GRID2: variants seen among roughly 807,000 people sequenced by gnomAD.
GRID2 encodes the protein glutamate receptor ionotropic, delta-2.
A neutral mutation model predicts 114.8 loss-of-function variants in GRID2; 33 were observed. The ratio of observed to expected loss-of-function variants is 0.29; its 90% CI spans 0.22 to 0.38. The LOEUF (loss-of-function observed/expected upper bound fraction) is 0.38. GRID2 is among the 10% of genes least tolerant of loss of function. GRID2 has a pLI of 1.00. For missense variants in GRID2, 1,184 were observed against 1,257.7 expected (o/e 0.94, Z 0.89); for synonymous variants, 505 against 449.9 (o/e 1.12, Z -1.55).
In GRID2 at chr4:93,515,329, T is replaced by C; in HGVS notation, c.2111T>C (p.Met704Thr). ...KGLNPFERDS[M>T]YSQMWRMINR... ...CTGAATCCTTTTGAGAGGGACAGCA[T>C]GTATTCCCAAATGTGGCGGATGATC... is the stretch of plus-strand genomic sequence containing the variant. The change falls in exon 13 of 16, where the codon ATG (methionine) becomes ACG (threonine). Residue 704 changes from methionine (M) to threonine (T), a missense_variant. By Grantham distance (81) the Met-to-Thr change is moderately conservative. Coordinates refer to ENST00000282020, the MANE Select transcript of GRID2 (RefSeq NM_001510.4). The C allele has an allele frequency of 6.2e-7, 1 of 1,612,282 alleles. No individual in the cohort carries two copies. Among genetic ancestry groups the C allele is most frequent in the Non-Finnish European group, 8.5e-7 (1 of 1,178,526 alleles).
chr4:92,765,886 C>T (rs555838922), intron 2 of GRID2, among the ~76,000 whole-genome samples: 1 of 152,270 alleles, frequency 6.6e-6, no homozygotes, highest in South Asian at 2.1e-4. Flanking sequence ...TTGGCCCTCT[C>T]TGTTTGACCT....
chr4:92,381,254 C>T (rs1169472089), intron 1 of GRID2, among the ~76,000 whole-genome samples: 1 of 151,950 alleles, frequency 6.6e-6, no homozygotes, highest in Non-Finnish European at 1.5e-5. Flanking sequence ...GTGACTGAAC[C>T]AAAATCTGAA....
At chr4:93,445,041 C>T (rs1306180235) in intron 10 of GRID2, among the ~76,000 whole-genome samples, 1 of 151,990 alleles carries the variant, frequency 6.6e-6, no homozygotes, top group Non-Finnish European at 1.5e-5. Flanking sequence ...CTAGTGTGGT[C>T]ATGTGACTAA....
chr4:92,703,987 G>A (rs1052270921), intron 2 of GRID2, among the ~76,000 whole-genome samples: 8 of 152,074 alleles, frequency 5.3e-5, no homozygotes, highest in Admixed American at 2.0e-4. Flanking sequence ...TTAAAAATAA[G>A]AGAATTGGCC....
chr4:93,284,048 G>GTTTGATT (rs1432578235), intron 8 of GRID2, among the ~76,000 whole-genome samples: 3 of 151,886 alleles, frequency 2.0e-5, no homozygotes, highest in Non-Finnish European at 2.9e-5. Flanking sequence ...TTCACATCTA[G>GTTTGATT]TTTGATTTTC....
At chr4:93,049,173 CTT>C (rs1390922727) in intron 2 of GRID2, among the ~76,000 whole-genome samples, 1 of 151,924 alleles carries the variant, frequency 6.6e-6, no homozygotes, top group African/African-American at 2.4e-5. Context: ...ATTCTGCACT[CTT>C]TTATTATAGC....
At chr4:92,637,618 T>A (rs577335501) in intron 2 of GRID2, among the ~76,000 whole-genome samples, 3 of 152,020 alleles carry the variant, frequency 2.0e-5, no homozygotes, top group African/African-American at 7.2e-5. Context: ...GATTATGGAT[T>A]AGTGACTGAA....
intron 8 of GRID2, among the ~76,000 whole-genome samples, chr4:93,386,359 A>G (rs1008534205): frequency 6.6e-6 from 1 of 152,168 alleles, no homozygotes; most frequent in Non-Finnish European, 1.5e-5. Flanking sequence ...TTATAGCAAA[A>G]AAAGATTAAA....
intron 13 of GRID2, among the ~76,000 whole-genome samples, chr4:93,524,797 ATATATATATATATATATGTATGTATG>A (rs1370791863): frequency 0.071 from 5,913 of 83,122 alleles, 131 homozygotes; most frequent in Middle Eastern, 0.086. Context: ...ATATATATAT[ATATATATATATATATATGTATGTATG>A]TATATATATA....
At chr4:93,332,265 T>C (rs34498423) in intron 8 of GRID2, among the ~76,000 whole-genome samples, 1,011 of 78,682 alleles carry the variant, frequency 0.013, 6 homozygotes, top group African/African-American at 0.03. Flanking sequence ...TGTGTGTGTG[T>C]GCGTGTGTGT....
At chr4:92,951,610 G>A (rs1752046315) in intron 2 of GRID2, among the ~76,000 whole-genome samples, 1 of 151,938 alleles carries the variant, frequency 6.6e-6, no homozygotes, top group South Asian at 2.1e-4. Flanking sequence ...CTAAAGTTAT[G>A]GGCCACTGTG....
intron 1 of GRID2, among the ~76,000 whole-genome samples, chr4:92,410,036 A>C (rs539418015): frequency 1.3e-5 from 2 of 152,346 alleles, no homozygotes; most frequent in African/African-American, 4.8e-5. Context: ...ATAAGAAAAT[A>C]TAAATGCTAT....
At chr4:92,448,467 C>T (rs1055699064) in intron 1 of GRID2, among the ~76,000 whole-genome samples, 2 of 151,844 alleles carry the variant, frequency 1.3e-5, no homozygotes, top group Non-Finnish European at 2.9e-5. Flanking sequence ...ATACCCAGCC[C>T]GAGTAGTATT....
intron 1 of GRID2, among the ~76,000 whole-genome samples, chr4:92,362,680 C>T (rs997912091): frequency 1.3e-5 from 2 of 151,868 alleles, no homozygotes; most frequent in Non-Finnish European, 2.9e-5. Flanking sequence ...GAAATATTTT[C>T]AGAAGTTAAA....
At chr4:93,527,316 C>G (rs563845285) in intron 13 of GRID2, among the ~76,000 whole-genome samples, 2 of 152,188 alleles carry the variant, frequency 1.3e-5, no homozygotes, top group East Asian at 3.9e-4. Flanking sequence ...ATCAATATGT[C>G]TTGCAAAATC....
chr4:92,713,511 A>C (rs1735378118), intron 2 of GRID2, among the ~76,000 whole-genome samples: 1 of 125,776 alleles, frequency 8.0e-6, no homozygotes, highest in African/African-American at 3.0e-5. Flanking sequence ...ATATATATAT[A>C]TATATATTAC....
chr4:93,516,074 C>T (rs1729698230), intron 13 of GRID2, among the ~76,000 whole-genome samples: 2 of 152,112 alleles, frequency 1.3e-5, no homozygotes, highest in African/African-American at 4.8e-5. Flanking sequence ...AGAGATCTGA[C>T]TGTTTTTTCT....
chr4:92,329,569 T>G (rs373218850), intron 1 of GRID2, among the ~76,000 whole-genome samples: 3 of 152,070 alleles, frequency 2.0e-5, no homozygotes, highest in East Asian at 3.9e-4. Flanking sequence ...ATAGAGTTGT[T>G]AGGAGGCCCA....
intron 1 of GRID2, among the ~76,000 whole-genome samples, chr4:92,583,714 AAC>A (rs916720962): frequency 7.3e-6 from 1 of 136,526 alleles, no homozygotes; most frequent in African/African-American, 2.7e-5. Context: ...TTTATATATA[AAC>A]ACACGCACAA....
Sources: gnomAD v4.1 joint callset for allele counts (sites outside exome capture counted in the v4.1 genomes callset) on GRCh38, gnomAD v4.1.1 for gene constraint, MANE v1.5 for transcripts, NCBI Gene and HGNC (gene_info 2026-07-23, HGNC 2026-07-21) for gene names.